LRP1B: variants seen among roughly 807,000 people sequenced by gnomAD.
LRP1B encodes the protein LDL receptor related protein 1B.
A neutral mutation model predicts 556.6 loss-of-function variants in LRP1B; 217 were observed. The ratio of observed to expected loss-of-function variants is 0.39; its 90% CI spans 0.35 to 0.44. The LOEUF is 0.44. Among genes scored for constraint, LRP1B ranks in the 20% least tolerant of loss-of-function variants. The pLI is 1.00. For missense variants in LRP1B, 5,053 were observed against 5,620.8 expected, an observed-to-expected ratio of 0.90 and a Z score of 3.23; for synonymous variants, 2,047 against 1,865.8, an observed-to-expected ratio of 1.10 and a Z score of -2.50.
chr2:141,721,935 T>C (rs1010029314), intron 2 of LRP1B, among the ~76,000 whole-genome samples: 1 of 152,208 alleles, frequency 6.6e-6, no homozygotes, highest in African/African-American at 2.4e-5. Flanking sequence ...CCCTAGTAGG[T>C]TAAAACCCCA....
At chr2:141,885,111 C>A (rs1457216530) in intron 1 of LRP1B, among the ~76,000 whole-genome samples, 1 of 152,044 alleles carries the variant, frequency 6.6e-6, no homozygotes. Flanking sequence ...TTGTGATGTG[C>A]TTATGAAATA....
chr2:142,010,482 G>A (rs1448738606), intron 1 of LRP1B, among the ~76,000 whole-genome samples: 3 of 149,584 alleles, frequency 2.0e-5, no homozygotes, highest in African/African-American at 7.4e-5. Flanking sequence ...GTGAACCCGG[G>A]AGGCGGAGCT....
At chr2:140,975,233 T>TA (rs1166302429) in intron 18 of LRP1B, among the ~76,000 whole-genome samples, 5 of 151,814 alleles carry the variant, frequency 3.3e-5, no homozygotes, top group Non-Finnish European at 7.4e-5. Context: ...TAGATCTAGA[T>TA]ATGCAGGGAA....
intron 2 of LRP1B, among the ~76,000 whole-genome samples, chr2:141,716,850 A>G (rs1362161712): frequency 8.5e-5 from 13 of 152,170 alleles, no homozygotes; most frequent in Non-Finnish European, 1.9e-4. Context: ...TGTGTCTACT[A>G]GTCTTGATGA....
chr2:140,282,514 A>T, intron 84 of LRP1B, among the ~76,000 whole-genome samples: 1 of 151,772 alleles, frequency 6.6e-6, no homozygotes, highest in East Asian at 1.9e-4. Context: ...AAATCTACAA[A>T]GTGATTTGAA....
intron 41 of LRP1B, chr2:140,683,761 C>G (rs909969191): frequency 3.1e-6 from 3 of 967,898 alleles, no homozygotes; most frequent in African/African-American, 1.6e-5. Context: ...CTCAGTCTCT[C>G]TCTCCTGACA....
rs72924965 is a variant in LRP1B at position 140,850,663 on chromosome 2, T to C, written c.4712-334A>G. 5.6e-3 allele frequency among the ~76,000 whole-genome samples: 847 copies of C among 152,312 alleles called. 5 individuals are homozygous for C. The highest frequency in any genetic ancestry group is 7.9e-3 in the Non-Finnish European group (536 of 68,016). On this transcript the variant is annotated intron_variant, in intron 28 of 90. Transcript: ENST00000389484. ...TACCATATTTGTACTTTGTACGTAA[T>C]TACTACAATATTGTATTGCATTACA... is the stretch of plus-strand genomic sequence containing the variant.
intron 62 of LRP1B, among the ~76,000 whole-genome samples, chr2:140,452,961 G>GTTTTTTTTT (rs5834746): frequency 1.6e-5 from 2 of 126,664 alleles, no homozygotes; most frequent in Non-Finnish European, 1.6e-5. Flanking sequence ...GTGTGTGTGT[G>GTTTTTTTTT]TTTTTTTTTT....
chr2:141,750,453 G>A lies in LRP1B; in HGVS notation c.205+59826C>T, dbSNP rs557860298. Among the ~76,000 whole-genome samples, 6 of 151,898 alleles carry A rather than the reference G, an allele frequency of 4.0e-5. No individual in the cohort carries two copies. In the East Asian group the frequency reaches 1.2e-3, roughly 29 times the overall value. ...AGCTTCTTCCCTCTGAAACCAAAAGGAAAAGAAAAGAAAAAAAAGCTTCTC... is the reference window on the plus strand; with the variant it reads ...AGCTTCTTCCCTCTGAAACCAAAAGAAAAAGAAAAGAAAAAAAAGCTTCTC... On this transcript the variant is annotated intron_variant, in intron 2 of 90. Coordinates refer to ENST00000389484, the MANE Select transcript of LRP1B (RefSeq NM_018557.3).
chr2:141,077,776 G>A (rs1037970082), intron 7 of LRP1B, among the ~76,000 whole-genome samples: 12 of 152,192 alleles, frequency 7.9e-5, no homozygotes, highest in African/African-American at 2.9e-4. Flanking sequence ...ACTCACAAGT[G>A]CCTAAGGCAA....
rs67960557 is a variant in LRP1B at position 141,492,091 on chromosome 2, A to AAAAAAAAAAAAAAAAC, written c.206-11559_206-11558insGTTTTTTTTTTTTTTT. Among the ~76,000 whole-genome samples the AAAAAAAAAAAAAAAAC allele has an allele frequency of 5.9e-3, 590 of 100,118 alleles. 53 individuals are homozygous for AAAAAAAAAAAAAAAAC. The highest frequency in any genetic ancestry group is 0.022 in the African/African-American group (556 of 25,830). 65.7% of individuals were successfully genotyped at this position (100,118 alleles called of 152,430 possible). On this transcript the variant is annotated intron_variant, in intron 2 of 90. Coordinates refer to ENST00000389484, the MANE Select transcript of LRP1B (RefSeq NM_018557.3). ...TATTTAGCTTTCTGAAAAAAAAAAA[A>AAAAAAAAAAAAAAAAC]CACTAAGAAAACCAACATTTGATGA...
intron 32 of LRP1B, among the ~76,000 whole-genome samples, chr2:140,797,635 C>T (rs1429735352): frequency 6.6e-6 from 1 of 151,976 alleles, no homozygotes; most frequent in East Asian, 1.9e-4. Flanking sequence ...TTATAGATCA[C>T]TATTTTTTGC....
chr2:141,300,083 A>G (rs1197023396), intron 3 of LRP1B, among the ~76,000 whole-genome samples: 1 of 152,216 alleles, frequency 6.6e-6, no homozygotes, highest in Non-Finnish European at 1.5e-5. Flanking sequence ...ATGAAGATAC[A>G]ACAAGAAGTC....
At chr2:141,911,008 G>A (rs116386038) in intron 1 of LRP1B, among the ~76,000 whole-genome samples, 2,661 of 151,894 alleles carry the variant, frequency 0.018, 33 homozygotes, top group Non-Finnish European at 0.026. Flanking sequence ...ACACACACAC[G>A]TATACAGGTA....
chr2:141,131,744 A>C (rs1484779058), intron 7 of LRP1B, among the ~76,000 whole-genome samples: 3 of 152,002 alleles, frequency 2.0e-5, no homozygotes, highest in Admixed American at 2.0e-4. Context: ...AATCATCATG[A>C]GCTGTCATCA....
intron 2 of LRP1B, among the ~76,000 whole-genome samples, chr2:141,545,776 G>C (rs1685528482): frequency 6.6e-6 from 1 of 152,120 alleles, no homozygotes; most frequent in Admixed American, 6.6e-5. Flanking sequence ...ATGTGGCATT[G>C]ATGACTTTGA....
intron 31 of LRP1B, among the ~76,000 whole-genome samples, chr2:140,821,567 A>G (rs1022043864): frequency 2.0e-5 from 3 of 152,206 alleles, no homozygotes; most frequent in Admixed American, 6.5e-5. Context: ...GAGGTTCCTT[A>G]TTTTATTTTG....
At chr2:140,387,404 ATT>A (rs1417897516) in intron 66 of LRP1B, among the ~76,000 whole-genome samples, 1 of 152,204 alleles carries the variant, frequency 6.6e-6, no homozygotes, top group Non-Finnish European at 1.5e-5. Context: ...TCCTCACAAT[ATT>A]TTAAAGTATT....
At chr2:141,716,404 C>A (rs918442100) in intron 2 of LRP1B, among the ~76,000 whole-genome samples, 37 of 152,172 alleles carry the variant, frequency 2.4e-4, no homozygotes, top group African/African-American at 7.7e-4. Context: ...ATGAAAAATT[C>A]TTTTGCAAAA....
Sources: gnomAD v4.1 joint callset for allele counts (sites outside exome capture counted in the v4.1 genomes callset) on GRCh38, gnomAD v4.1.1 for gene constraint, MANE v1.5 for transcripts, NCBI Gene and HGNC (gene_info 2026-07-23, HGNC 2026-07-21) for gene names.